The following ATP10B variants were observed in gnomAD, a reference collection of about 807,000 sequenced individuals.
ATP10B encodes the protein ATPase phospholipid transporting 10B (putative), also known as phospholipid-transporting ATPase VB.
ATP10B carries 122 observed loss-of-function variants against 141.2 expected under a neutral mutation model. That is an observed-to-expected ratio of 0.86 (90% confidence interval 0.75 to 1.00). ATP10B has a LOEUF of 1.00. Among genes scored for constraint, ATP10B ranks in the 50% least tolerant of loss-of-function variants. The probability of loss-of-function intolerance (pLI) is 0.00; values close to 1 mark genes in which losing one functional copy is unlikely to be tolerated. For missense variants in ATP10B, 1,876 were observed against 1,825.3 expected (o/e 1.03, Z -0.51); for synonymous variants, 685 against 692.0 (o/e 0.99, Z 0.16).
At chr5:160,814,663 A>G (rs1773458462) in intron 1 of ATP10B, among the ~76,000 whole-genome samples, 1 of 152,184 alleles carries the variant, frequency 6.6e-6, no homozygotes, top group Admixed American at 6.5e-5. Context: ...CGAGAAGAGC[A>G]AGTCCAAGAC....
the ATP10B span, among the ~76,000 whole-genome samples, chr5:160,883,779 A>C: frequency 6.6e-6 from 1 of 152,204 alleles, no homozygotes; most frequent in African/African-American, 2.4e-5. Flanking sequence ...AAAGGAGTTT[A>C]AAGAGTGTTA....
intron 7 of ATP10B, among the ~76,000 whole-genome samples, chr5:160,654,661 A>T (rs1761355753): frequency 6.6e-6 from 1 of 152,176 alleles, no homozygotes; most frequent in Non-Finnish European, 1.5e-5. Flanking sequence ...CAGAGTCAGG[A>T]TTGCCATTCA....
the ATP10B span, among the ~76,000 whole-genome samples, chr5:160,921,562 T>C: frequency 3.3e-5 from 5 of 152,224 alleles, no homozygotes; most frequent in African/African-American, 1.2e-4. Flanking sequence ...TTCCGCAATG[T>C]CTGGCTAGAG....
chr5:160,834,846 G>A (rs369802655), intron 1 of ATP10B, among the ~76,000 whole-genome samples: 4 of 152,068 alleles, frequency 2.6e-5, no homozygotes, highest in East Asian at 3.9e-4. Context: ...TAAGACCTTG[G>A]TATCTTCAAT....
chr5:160,820,406 A>T (rs1008206199), intron 1 of ATP10B, among the ~76,000 whole-genome samples: 1 of 151,966 alleles, frequency 6.6e-6, no homozygotes, highest in Non-Finnish European at 1.5e-5. Flanking sequence ...TTACCCAGAA[A>T]AAAACAAAAA....
intron 1 of ATP10B, among the ~76,000 whole-genome samples, chr5:160,825,722 G>A (rs143587027): frequency 9.2e-5 from 14 of 152,222 alleles, no homozygotes; most frequent in Middle Eastern, 6.8e-3. Context: ...TACATGTGCA[G>A]GTTTATTACA....
intron 3 of ATP10B, among the ~76,000 whole-genome samples, chr5:160,707,951 G>A (rs1376237659): frequency 1.3e-5 from 2 of 152,196 alleles, no homozygotes. Context: ...TGCCTGATGG[G>A]GGTTGGGAGT....
At chr5:160,892,364 C>A in the ATP10B span, among the ~76,000 whole-genome samples, 1 of 152,224 alleles carries the variant, frequency 6.6e-6, no homozygotes. Context: ...TGATGAACGG[C>A]CTTGAACTAT....
intron 6 of ATP10B, among the ~76,000 whole-genome samples, chr5:160,676,632 C>A (rs886900072): frequency 6.6e-6 from 1 of 151,992 alleles, no homozygotes; most frequent in African/African-American, 2.4e-5. Flanking sequence ...TCAATTGATT[C>A]CTTGTATATT....
chr5:160,697,316 G>A (rs866852471), intron 3 of ATP10B, among the ~76,000 whole-genome samples: 3 of 152,126 alleles, frequency 2.0e-5, no homozygotes, highest in South Asian at 2.1e-4. Context: ...TAGTCTTAGC[G>A]GAGACCTTAT....
At position 160,753,605 on chromosome 5, in the gene ATP10B, G is replaced by A. The variant is rs76749357; in HGVS notation, c.-331+31954C>T. On this transcript the variant is annotated intron_variant, in intron 2 of 25. Coordinates refer to ENST00000327245, the MANE Select transcript of ATP10B (RefSeq NM_025153.3). ...TAAGGGGCTGCAGGAGGGAGAAGTTGTTTAAAACAAGAGAGGGTTTTAAAT... is the reference window on the plus strand; with the variant it reads ...TAAGGGGCTGCAGGAGGGAGAAGTTATTTAAAACAAGAGAGGGTTTTAAAT... Among the ~76,000 whole-genome samples the A allele has an allele frequency of 3.3e-5, 5 of 152,294 alleles. No homozygotes were observed. In the East Asian group the frequency reaches 7.7e-4, roughly 23 times the overall value.
chr5:160,813,452 G>T (rs1184036257), intron 1 of ATP10B, among the ~76,000 whole-genome samples: 3 of 152,186 alleles, frequency 2.0e-5, no homozygotes, highest in Non-Finnish European at 4.4e-5. Flanking sequence ...ACCCACCACT[G>T]CTGAGGCTTG....
intron 1 of ATP10B, among the ~76,000 whole-genome samples, chr5:160,801,622 C>T (rs1299992052): frequency 2.0e-5 from 3 of 152,162 alleles, no homozygotes; most frequent in Non-Finnish European, 2.9e-5. Flanking sequence ...TGCATGACTA[C>T]TTTGTTCTTC....
chr5:160,891,411 T>C, the ATP10B span, among the ~76,000 whole-genome samples: 1 of 152,156 alleles, frequency 6.6e-6, no homozygotes, highest in African/African-American at 2.4e-5. Flanking sequence ...CATGACCTGC[T>C]TTTTATCTAA....
intron 1 of ATP10B, among the ~76,000 whole-genome samples, chr5:160,796,102 ATATT>A (rs1169772531): frequency 1.3e-5 from 2 of 152,180 alleles, no homozygotes; most frequent in East Asian, 3.9e-4. Flanking sequence ...CAATTGATGT[ATATT>A]TAGAGTAAAA....
At chr5:160,600,150 AT>A (rs1398643640) in intron 21 of ATP10B, among the ~76,000 whole-genome samples, 5 of 152,182 alleles carry the variant, frequency 3.3e-5, no homozygotes, top group African/African-American at 1.2e-4. Context: ...TGCAAGGTTA[AT>A]ATTGCTATAG....
intron 7 of ATP10B, among the ~76,000 whole-genome samples, chr5:160,655,282 A>C (rs1419657878): frequency 6.6e-6 from 1 of 151,850 alleles, no homozygotes; most frequent in Non-Finnish European, 1.5e-5. Context: ...ATTTTTAAGC[A>C]TTTAAATTTT....
intron 1 of ATP10B, among the ~76,000 whole-genome samples, chr5:160,813,635 G>T (rs564318388): frequency 1.3e-5 from 2 of 152,196 alleles, no homozygotes; most frequent in Non-Finnish European, 2.9e-5. Context: ...GAAGAGAGTA[G>T]TTGTTCTCCC....
intron 2 of ATP10B, among the ~76,000 whole-genome samples, chr5:160,765,729 A>G (rs910026802): frequency 6.6e-6 from 1 of 152,178 alleles, no homozygotes; most frequent in Non-Finnish European, 1.5e-5. Flanking sequence ...TAAACTAAAA[A>G]GCTTCTGCTC....
Sources: allele counts gnomAD v4.1 joint callset (sites outside exome capture counted in the v4.1 genomes callset), GRCh38; gene constraint gnomAD v4.1.1; transcripts MANE v1.5; gene names NCBI Gene and HGNC (gene_info 2026-07-23, HGNC 2026-07-21).